The following ANAPC1 variants were observed in gnomAD, a reference collection of about 807,000 sequenced individuals.
ANAPC1 encodes the protein anaphase-promoting complex subunit 1.
A neutral mutation model predicts 208.0 loss-of-function variants in ANAPC1; 36 were observed. The observed-to-expected ratio is 0.17, with a 90% confidence interval of 0.13 to 0.23. The LOEUF (loss-of-function observed/expected upper bound fraction) is 0.23, where lower values mean the gene tolerates loss of function less well. Ranked by LOEUF, ANAPC1 falls within the 10% of genes least tolerant of loss-of-function variation. The probability of loss-of-function intolerance (pLI) is 1.00; values close to 1 mark genes in which losing one functional copy is unlikely to be tolerated. For missense variants in ANAPC1, 942 were observed against 2,011.6 expected, an observed-to-expected ratio of 0.47 and a Z score of 10.17; for synonymous variants, 378 against 695.2, an observed-to-expected ratio of 0.54 and a Z score of 7.18.
At chr2:111,811,072 G>A (rs1298831862) in intron 28 of ANAPC1, among the ~76,000 whole-genome samples, 1 of 152,040 alleles carries the variant, frequency 6.6e-6, no homozygotes. Context: ...TGTGGGATCA[G>A]AATAAGGTCC....
intron 22 of ANAPC1, 129 bp downstream of exon 22, chr2:111,825,648 A>C (rs1573401735): frequency 7.2e-6 from 6 of 828,970 alleles, no homozygotes; most frequent in African/African-American, 1.7e-5. Flanking sequence ...AGACCGCAAC[A>C]GACCAGAACA....
At chr2:111,823,232 T>C (rs556083418) in intron 24 of ANAPC1, among the ~76,000 whole-genome samples, 2 of 151,670 alleles carry the variant, frequency 1.3e-5, no homozygotes, top group Non-Finnish European at 2.9e-5. Flanking sequence ...TTAGCCAGGA[T>C]GGTCTCGATC....
chr2:111,873,870 T>C (rs1181283221), intron 3 of ANAPC1, among the ~76,000 whole-genome samples: 1 of 152,010 alleles, frequency 6.6e-6, no homozygotes, highest in Non-Finnish European at 1.5e-5. Context: ...AAAATATGTT[T>C]ACAATTAAAT....
chr2:111,880,771 C>T lies in ANAPC1; in HGVS notation c.55G>A (p.Glu19Lys), dbSNP rs1321300844. The change falls in exon 2 of 48, where the codon GAA becomes AAA. Residue 19 changes from glutamate (E) to lysine (K), a missense_variant. Coordinates refer to ENST00000341068, the MANE Select transcript of ANAPC1 (RefSeq NM_022662.4). ...TTMIAARDLQ[E>K]FVPFGRDHCK... is the part of the protein sequence containing the mutation. ...TGGTCTCGACCAAAAGGAACAAATT[C>T]CTGCAAATCCCTTGCTGCAATCATC... The T allele has an allele frequency of 6.2e-7, 1 of 1,613,760 alleles. No homozygotes were observed. Among genetic ancestry groups the T allele is most frequent in the African/African-American group, 1.3e-5 (1 of 74,872 alleles).
At chr2:111,849,389 G>T (rs934273788) in intron 14 of ANAPC1, among the ~76,000 whole-genome samples, 1 of 152,052 alleles carries the variant, frequency 6.6e-6, no homozygotes, top group Admixed American at 6.6e-5. Flanking sequence ...TTCCCCCTTT[G>T]AATGTTCTGC....
chr2:111,825,378 C>T (rs767158972), intron 22 of ANAPC1, among the ~76,000 whole-genome samples: 9 of 152,134 alleles, frequency 5.9e-5, no homozygotes, highest in Non-Finnish European at 1.2e-4. Context: ...TACCCAAATC[C>T]GTGCATGCTC....
intron 20 of ANAPC1, among the ~76,000 whole-genome samples, chr2:111,832,305 GAA>G (rs11431305): frequency 2.6e-5 from 2 of 76,808 alleles, no homozygotes; most frequent in African/African-American, 4.3e-5. Context: ...CCTGTCTCAA[GAA>G]AAAAAAAAAA....
chr2:111,824,310 C>A (rs1444375315), intron 24 of ANAPC1, among the ~76,000 whole-genome samples: 1 of 145,530 alleles, frequency 6.9e-6, no homozygotes, highest in Non-Finnish European at 1.5e-5. Flanking sequence ...TCAAAAACAT[C>A]TTTTAATATT....
At chr2:111,853,177 T>A (rs1681505849) in intron 13 of ANAPC1, among the ~76,000 whole-genome samples, 2 of 152,196 alleles carry the variant, frequency 1.3e-5, no homozygotes, top group African/African-American at 2.4e-5. Flanking sequence ...TATCTTCTGA[T>A]TACTGTTTGC....
chr2:111,878,483 T>C (rs1263295075), intron 3 of ANAPC1, among the ~76,000 whole-genome samples: 3 of 152,370 alleles, frequency 2.0e-5, no homozygotes, highest in African/African-American at 7.2e-5. Context: ...CAATCAATTA[T>C]AGTAATCATG....
In ANAPC1 at chr2:111,850,866, C is replaced by T. The variant is rs758307305; in HGVS notation, c.1560G>A (p.Thr520=). 4 of 1,610,344 alleles carry T rather than the reference C, an allele frequency of 2.5e-6. No individual in the cohort carries two copies. Among genetic ancestry groups the T allele is most frequent in the Admixed American group, 1.7e-5 (1 of 59,630 alleles). The change falls in exon 14 of 48, where the codon ACG becomes ACA. Residue 520 remains threonine (T), a synonymous_variant. Transcript: ENST00000341068. ...FIPGLPAPSL[T]MSNTMPRPST... ...TGGGCCGAGGCATTGTGTTGGACAT[C>T]GTCAGAGAGGGAGCTGGCAGTCCAG...
chr2:111,834,210 G>C (rs1680339683), intron 19 of ANAPC1, among the ~76,000 whole-genome samples: 1 of 152,200 alleles, frequency 6.6e-6, no homozygotes. Context: ...AACTTACCTT[G>C]TTTGAGACTT....
chr2:111,819,431 A>T (rs1477782667), intron 26 of ANAPC1: 2 of 287,876 alleles, frequency 6.9e-6, no homozygotes, highest in African/African-American at 6.1e-5. Context: ...GCCTGTACAC[A>T]AGAAAAGAAA....
intron 6 of ANAPC1, among the ~76,000 whole-genome samples, chr2:111,871,700 C>T (rs1425032611): frequency 1.3e-5 from 2 of 151,966 alleles, no homozygotes; most frequent in African/African-American, 2.4e-5. Context: ...TGTGGTGAGC[C>T]GAGATCATGC....
intron 39 of ANAPC1, among the ~76,000 whole-genome samples, chr2:111,787,021 T>C: frequency 6.8e-6 from 1 of 145,998 alleles, no homozygotes; most frequent in East Asian, 2.1e-4. Flanking sequence ...TGGTGGCAGG[T>C]GCCTGTAGTC....
In ANAPC1 at chr2:111,835,636, C is replaced by T. The variant is rs897676824; in HGVS notation, c.2116-764G>A. On this transcript the variant is annotated intron_variant, in intron 18 of 47. Coordinates refer to ENST00000341068, the MANE Select transcript of ANAPC1 (RefSeq NM_022662.4). ...GGTGGATCACAAGGTCAGGAGATCA[C>T]GACCTTCCTGGCTAACACGGTGGAA... is the stretch of plus-strand genomic sequence containing the variant. Among the ~76,000 whole-genome samples, 12 of 152,024 alleles carry T rather than the reference C, an allele frequency of 7.9e-5. No individual in the cohort carries two copies. In the South Asian group the frequency reaches 8.3e-4, roughly 11 times the overall value.
intron 4 of ANAPC1, 101 bp downstream of exon 4, chr2:111,873,512 A>T: frequency 1.3e-6 from 2 of 1,482,454 alleles, no homozygotes; most frequent in Middle Eastern, 1.8e-4. Flanking sequence ...TGCTTATGGT[A>T]AACCACTATT....
intron 26 of ANAPC1, 110 bp downstream of exon 26, chr2:111,821,129 A>T (rs1679508334): frequency 5.2e-6 from 5 of 966,742 alleles, no homozygotes; most frequent in Non-Finnish European, 7.9e-6. Context: ...GTATCTTTTA[A>T]ATCTCTTTAG....
At chr2:111,873,560 G>A in intron 4 of ANAPC1, 53 bp downstream of exon 4, 1 of 1,502,894 alleles carries the variant, frequency 6.7e-7, no homozygotes, top group East Asian at 2.4e-5. Context: ...AATACAATGA[G>A]ATAAATATTT....
Sources: gnomAD v4.1 joint callset for allele counts (sites outside exome capture counted in the v4.1 genomes callset) on GRCh38, gnomAD v4.1.1 for gene constraint, MANE v1.5 for transcripts, NCBI Gene and HGNC (gene_info 2026-07-23, HGNC 2026-07-21) for gene names.